The following PTTG1IP variants were observed in gnomAD, a reference collection of about 807,000 sequenced individuals.
The protein encoded by PTTG1IP is pituitary tumor-transforming gene 1 protein-interacting protein.
A neutral mutation model predicts 24.4 loss-of-function variants in PTTG1IP; 16 were observed. The ratio of observed to expected loss-of-function variants is 0.66; its 90% confidence interval spans 0.44 to 1.00. PTTG1IP has a LOEUF of 1.00. Among genes scored for constraint, PTTG1IP ranks in the 50% least tolerant of loss-of-function variants. The pLI is 0.00. For missense variants in PTTG1IP, 241 were observed against 245.8 expected, an observed-to-expected ratio of 0.98 and a Z score of 0.13; for synonymous variants, 89 against 96.8, an observed-to-expected ratio of 0.92 and a Z score of 0.47.
chr21:44,865,729 A>G, intron 1 of PTTG1IP: 1 of 546,242 alleles, frequency 1.8e-6, no homozygotes, highest in Non-Finnish European at 3.3e-6. Context: ...GTGCCAACAC[A>G]GAAGGCTGTG....
intron 5 of PTTG1IP, among the ~76,000 whole-genome samples, chr21:44,854,394 A>G (rs2083433371): frequency 6.6e-6 from 1 of 152,190 alleles, no homozygotes; most frequent in South Asian, 2.1e-4. Context: ...TGAACCCAGG[A>G]CCACGCACCT....
intron 3 of PTTG1IP, among the ~76,000 whole-genome samples, chr21:44,858,550 C>A (rs2083465957): frequency 6.6e-6 from 1 of 152,326 alleles, no homozygotes; most frequent in South Asian, 2.1e-4. Context: ...GCCCATCGCA[C>A]CCCACCCTCC....
intron 4 of PTTG1IP, among the ~76,000 whole-genome samples, chr21:44,855,609 C>A (rs1031378669): frequency 6.6e-6 from 1 of 152,184 alleles, no homozygotes; most frequent in Admixed American, 6.5e-5. Flanking sequence ...GAGGAAAATG[C>A]GATTGTCAGC....
chr21:44,856,875 G>C (rs565921478), intron 3 of PTTG1IP, among the ~76,000 whole-genome samples: 1 of 152,204 alleles, frequency 6.6e-6, no homozygotes, highest in South Asian at 2.1e-4. Context: ...GGCCAGGTTC[G>C]AAAAGAATGA....
chr21:44,863,063 C>G (rs1470517824), intron 2 of PTTG1IP, among the ~76,000 whole-genome samples: 3 of 135,948 alleles, frequency 2.2e-5, no homozygotes, highest in African/African-American at 7.8e-5. Flanking sequence ...AGCACAGACA[C>G]ACAGCCCGCC....
In PTTG1IP at chr21:44,851,286, G is replaced by A. The variant is rs8132312; in HGVS notation, c.*295C>T. The A allele has an allele frequency of 6.8e-5, 97 of 1,419,258 alleles. No individual in the cohort carries two copies. The highest frequency in any genetic ancestry group is 8.3e-5 in the Non-Finnish European group (89 of 1,072,680). The allele number at this position is 1,419,258 out of a possible 1,614,324, so 87.9% of individuals were successfully genotyped here. On this transcript the variant is annotated 3_prime_UTR_variant, in exon 6 of 6. Transcript: ENST00000330938. ...GCGCTGGGTGCCGTCAGGCGGCTTCGTGTGCAGTTAGCGTTTCACAAACTG... is the reference window on the plus strand; with the variant it reads ...GCGCTGGGTGCCGTCAGGCGGCTTCATGTGCAGTTAGCGTTTCACAAACTG...
Position 44,851,516 on chromosome 21 carries a change from C to T in PTTG1IP, c.*65G>A, listed in dbSNP as rs968570451. Reference sequence around the variant, plus strand: ...AGACCGCAATGGCCACGTGGTCTCCCGGCTGGGCTGGGCTGCGGAGCGTGC... The same window carrying T: ...AGACCGCAATGGCCACGTGGTCTCCTGGCTGGGCTGGGCTGCGGAGCGTGC... On this transcript the variant is annotated 3_prime_UTR_variant, in exon 6 of 6. Transcript: ENST00000330938. 10 of 1,613,818 alleles carry T rather than the reference C, an allele frequency of 6.2e-6. No individual in the cohort carries two copies. The highest frequency in any genetic ancestry group is 3.3e-5 in the Admixed American group (2 of 59,998).
chr21:44,855,248 T>C lies in PTTG1IP; in HGVS notation c.458A>G (p.Glu153Gly). The C allele has an allele frequency of 6.2e-7, 1 of 1,611,874 alleles. No homozygotes were observed. Among genetic ancestry groups the C allele is most frequent in the Non-Finnish European group, 8.5e-7 (1 of 1,177,952 alleles). ...RRIRQEERRA[E>G]MKTRHDEIRK... ...GATTTCATCATGTCTTGTCTTCATC[T>C]CTGCTCTCCTAAAACACAGAGGAAC... The change falls in exon 5 of 6, where the codon GAG (glutamate) becomes GGG (glycine). Residue 153 changes from glutamate (E) to glycine (G), a missense_variant. Coordinates refer to ENST00000330938, the MANE Select transcript of PTTG1IP (RefSeq NM_004339.4).
rs1234687905 is a variant in PTTG1IP, at chr21:44,849,759, A to G, written c.*1822T>C. 6.6e-6 allele frequency: 1 copy of G among 152,434 alleles called. No individual in the cohort carries two copies. The highest frequency in any genetic ancestry group is 1.5e-5 in the Non-Finnish European group (1 of 68,042). The allele number at this position is 152,434 out of a possible 1,614,324, so 9.4% of individuals were successfully genotyped here. ...AGACGTGGGTTTCTACACTGAGCGC[A>G]AGGGCTGACTACGCTGTATTTCACA... On this transcript the variant is annotated 3_prime_UTR_variant, in exon 6 of 6. Coordinates refer to ENST00000330938, the MANE Select transcript of PTTG1IP (RefSeq NM_004339.4).
In PTTG1IP at chr21:44,868,508, CACAG is replaced by C. The variant is rs2083560195; in HGVS notation, c.116-3065_116-3062del. 3.3e-5 allele frequency among the ~76,000 whole-genome samples: 5 copies of C among 152,232 alleles called. No individual in the cohort carries two copies. In the South Asian group the frequency reaches 1.0e-3, roughly 32 times the overall value. ...TGGGGCAGGAAGTGAACACATGAGC[CACAG>C]ACAGTGTGCAGTGCCCGAGAGTGGC... is the stretch of plus-strand genomic sequence containing the variant. On this transcript the variant is annotated intron_variant, in intron 1 of 5. Coordinates refer to ENST00000330938, the MANE Select transcript of PTTG1IP (RefSeq NM_004339.4).
At chr21:44,862,631 G>A (rs1427185789) in intron 2 of PTTG1IP, among the ~76,000 whole-genome samples, 1 of 152,196 alleles carries the variant, frequency 6.6e-6, no homozygotes, top group African/African-American at 2.4e-5. Flanking sequence ...CAGTGTTACT[G>A]ACTTTTTAAT....
Position 44,853,912 on chromosome 21 carries a change from T to TC in PTTG1IP, c.496+1297dup, listed in dbSNP as rs199521108. ...AGCCTCACGCCCCCAAGCCGACACT[T>TC]CGAGACCGGCAGGACTCACGTGGCC... On this transcript the variant is annotated intron_variant, in intron 5 of 5. Transcript: ENST00000330938. 8.9e-4 allele frequency among the ~76,000 whole-genome samples: 135 copies of TC among 152,232 alleles called. 1 individual carries two copies. In the East Asian group the frequency reaches 0.018, roughly 20 times the overall value.
At position 44,854,504 on chromosome 21, in the gene PTTG1IP, C is replaced by T. The variant is rs544684180; in HGVS notation, c.496+706G>A. 2.0e-5 allele frequency among the ~76,000 whole-genome samples: 3 copies of T among 152,186 alleles called. No homozygotes were observed. The East Asian group carries it at 5.8e-4, about 29-fold the overall frequency. On this transcript the variant is annotated intron_variant, in intron 5 of 5. Transcript: ENST00000330938. Reference sequence around the variant, plus strand: ...TGACACCACACAACCACAAACCCAGCGCGGGAGACACTAGACTCTTTGCGG... The same window carrying T: ...TGACACCACACAACCACAAACCCAGTGCGGGAGACACTAGACTCTTTGCGG...
intron 5 of PTTG1IP, among the ~76,000 whole-genome samples, chr21:44,853,919 C>T (rs1053524155): frequency 2.0e-5 from 3 of 152,188 alleles, no homozygotes; most frequent in South Asian, 2.1e-4. Context: ...ACTTCGAGAC[C>T]GGCAGGACTC....
intron 1 of PTTG1IP, 68 bp downstream of exon 1, chr21:44,873,434 C>CCGACCCCGACCT (rs1045580220): frequency 8.1e-7 from 1 of 1,237,912 alleles, no homozygotes; most frequent in African/African-American, 1.6e-5. Context: ...AACCCCGACC[C>CCGACCCCGACCT]CGACCCCGAC....
rs752647768 is a variant in PTTG1IP, at chr21:44,864,799, C to G, written c.168+596G>C. Among the ~76,000 whole-genome samples the G allele has an allele frequency of 7.2e-5, 11 of 152,234 alleles. 1 individual carries two copies. Among genetic ancestry groups the G allele is most frequent in the Non-Finnish European group, 1.5e-4 (10 of 68,038 alleles). On this transcript the variant is annotated intron_variant, in intron 2 of 5. Coordinates refer to ENST00000330938, the MANE Select transcript of PTTG1IP (RefSeq NM_004339.4). Reference sequence around the variant, plus strand: ...TCTGCATCAGTCTCCATCGGGAAGGCACCCCGGGGAGTCTCGGGCCCCACC... The same window carrying G: ...TCTGCATCAGTCTCCATCGGGAAGGGACCCCGGGGAGTCTCGGGCCCCACC...
At chr21:44,859,632 A>T (rs1473484952) in intron 3 of PTTG1IP, among the ~76,000 whole-genome samples, 2 of 152,208 alleles carry the variant, frequency 1.3e-5, no homozygotes, top group African/African-American at 4.8e-5. Context: ...CTGTGTCTTC[A>T]GAGTGGTCAT....
At chr21:44,865,509 C>T (rs1267491207) in intron 1 of PTTG1IP, 62 bp from the exon 2 acceptor site, 1 of 1,563,212 alleles carries the variant, frequency 6.4e-7, no homozygotes, top group Non-Finnish European at 8.8e-7. Flanking sequence ...AATATTAGTC[C>T]AGCAGGGCAG....
chr21:44,857,288 C>A (rs1000434520), intron 3 of PTTG1IP, among the ~76,000 whole-genome samples: 3 of 152,188 alleles, frequency 2.0e-5, no homozygotes, highest in Non-Finnish European at 4.4e-5. Flanking sequence ...ACCCGCCCAG[C>A]CAACAAAGTG....
Sources: allele counts gnomAD v4.1 joint callset (sites outside exome capture counted in the v4.1 genomes callset), GRCh38; gene constraint gnomAD v4.1.1; transcripts MANE v1.5; gene names NCBI Gene and HGNC (gene_info 2026-07-23, HGNC 2026-07-21).